Variants in PEAK1 observed in about 807,000 individuals in gnomAD.
PEAK1 encodes the protein inactive tyrosine-protein kinase PEAK1.
A neutral mutation model predicts 124.7 loss-of-function variants in PEAK1; 54 were observed. The ratio of observed to expected loss-of-function variants is 0.43; its 90% confidence interval spans 0.35 to 0.54. The LOEUF (loss-of-function observed/expected upper bound fraction) is 0.54. Among genes scored for constraint, PEAK1 ranks in the 20% least tolerant of loss-of-function variants. The pLI is 0.01. For synonymous variants in PEAK1, 719 were observed against 760.0 expected (o/e 0.95, Z 0.89); for missense variants, 2,046 against 2,134.5 (o/e 0.96, Z 0.82).
intron 8 of PEAK1, among the ~76,000 whole-genome samples, chr15:77,146,468 A>G (rs1567027201): frequency 1.3e-5 from 2 of 152,230 alleles, no homozygotes; most frequent in Admixed American, 1.3e-4. Flanking sequence ...TCATTAGTGG[A>G]AACCTCTCCA....
chr15:77,256,388 ATAG>A (rs2061134525), intron 5 of PEAK1, among the ~76,000 whole-genome samples: 1 of 151,846 alleles, frequency 6.6e-6, no homozygotes, highest in Non-Finnish European at 1.5e-5. Context: ...ATTTAACTTA[ATAG>A]TAGCGAATAG....
chr15:77,370,251 C>T (rs144964030), intron 1 of PEAK1, among the ~76,000 whole-genome samples: 47 of 152,266 alleles, frequency 3.1e-4, no homozygotes, highest in South Asian at 6.2e-4. Context: ...TCCTTCCATC[C>T]TTCATGGCCC....
At chr15:77,231,538 C>G (rs1220537691) in intron 6 of PEAK1, among the ~76,000 whole-genome samples, 1 of 152,130 alleles carries the variant, frequency 6.6e-6, no homozygotes, top group East Asian at 1.9e-4. Flanking sequence ...TTAAAGATAA[C>G]ATCTTCCCTT....
chr15:77,343,952 C>G (rs1453339459), intron 2 of PEAK1, among the ~76,000 whole-genome samples: 1 of 152,128 alleles, frequency 6.6e-6, no homozygotes, highest in African/African-American at 2.4e-5. Context: ...AGGTAGGACT[C>G]CAACTTCATT....
At chr15:77,198,426 A>G (rs984192319) in intron 6 of PEAK1, among the ~76,000 whole-genome samples, 6 of 152,232 alleles carry the variant, frequency 3.9e-5, no homozygotes, top group African/African-American at 1.4e-4. Flanking sequence ...GAGAAAAGTT[A>G]TGACACTTTA....
At chr15:77,300,069 T>A (rs2063709147) in intron 2 of PEAK1, among the ~76,000 whole-genome samples, 1 of 152,196 alleles carries the variant, frequency 6.6e-6, no homozygotes, top group South Asian at 2.1e-4. Flanking sequence ...GCACATCTTG[T>A]CTTATGCTTT....
At chr15:77,366,652 C>T (rs1405350403) in intron 1 of PEAK1, among the ~76,000 whole-genome samples, 1 of 152,082 alleles carries the variant, frequency 6.6e-6, no homozygotes, top group East Asian at 1.9e-4. Flanking sequence ...ACCTCCCAGG[C>T]TCGAGTGATC....
chr15:77,253,325 T>C (rs912037347), intron 5 of PEAK1, among the ~76,000 whole-genome samples: 1 of 152,134 alleles, frequency 6.6e-6, no homozygotes, highest in African/African-American at 2.4e-5. Context: ...AATATTCTTT[T>C]GCTAGTGTGA....
chr15:77,352,623 T>C (rs1311343647), intron 2 of PEAK1: 1 of 952,052 alleles, frequency 1.1e-6, no homozygotes, highest in Non-Finnish European at 1.3e-6. Context: ...ACCATACTCA[T>C]GAATAACTGA....
At chr15:77,403,690 T>C in intron 1 of PEAK1, 1 of 911,258 alleles carries the variant, frequency 1.1e-6, no homozygotes. Context: ...CATTTGACAA[T>C]CAAAACCATA....
At chr15:77,178,640 T>C (rs749585340) in intron 7 of PEAK1, 150 bp downstream of exon 7, 13 of 770,638 alleles carry the variant, frequency 1.7e-5, no homozygotes, top group Non-Finnish European at 2.6e-5. Context: ...ACTATTCTAA[T>C]CTTGGAATGC....
intron 1 of PEAK1, among the ~76,000 whole-genome samples, chr15:77,385,918 G>T (rs1176688616): frequency 2.6e-5 from 4 of 152,192 alleles, no homozygotes; most frequent in Non-Finnish European, 5.9e-5. Context: ...GAATGAGTCA[G>T]ATAAACCTGG....
chr15:77,418,013 T>C (rs1034999759), intron 1 of PEAK1: 37 of 974,878 alleles, frequency 3.8e-5, no homozygotes, highest in Middle Eastern at 5.2e-4. Context: ...CAGGAACATA[T>C]TTTTTAATGT....
At chr15:77,278,713 T>G (rs1015182783) in intron 5 of PEAK1, 9 of 512,846 alleles carry the variant, frequency 1.8e-5, no homozygotes, top group Non-Finnish European at 2.7e-5. Context: ...CACAGAAAGG[T>G]GAGGGTGCTG....
intron 2 of PEAK1, chr15:77,348,255 T>G: frequency 1.1e-6 from 1 of 937,096 alleles, no homozygotes; most frequent in Non-Finnish European, 1.3e-6. Flanking sequence ...TCACACTAAT[T>G]AGCGTACAAC....
At chr15:77,349,694 C>G (rs541729922) in intron 2 of PEAK1, 1 of 984,886 alleles carries the variant, frequency 1.0e-6, no homozygotes, top group Non-Finnish European at 1.2e-6. Context: ...CCTTTCTTCA[C>G]GTAGGATTTT....
intron 2 of PEAK1, chr15:77,350,537 T>A: frequency 3.1e-6 from 3 of 980,498 alleles, no homozygotes; most frequent in Non-Finnish European, 3.6e-6. Flanking sequence ...ATAATACAAT[T>A]GTGAGTCTCC....
At chr15:77,333,793 T>A in intron 2 of PEAK1, 3 of 850,496 alleles carry the variant, frequency 3.5e-6, no homozygotes, top group Non-Finnish European at 4.2e-6. Context: ...CATATGGTTT[T>A]AATCATTGCA....
In PEAK1 at chr15:77,179,913, T is replaced by C. The variant is rs2057139839; in HGVS notation, c.2014A>G (p.Ser672Gly). The C allele has an allele frequency of 1.2e-6, 2 of 1,614,066 alleles. No individual in the cohort carries two copies. Among genetic ancestry groups the C allele is most frequent in the South Asian group, 1.1e-5 (1 of 91,084 alleles). The change falls in exon 7 of 10, where the codon AGC (serine) becomes GGC (glycine). Residue 672 changes from serine (S) to glycine (G), a missense_variant. Physicochemically the swap from Ser to Gly is moderately conservative, Grantham distance 56. Transcript: ENST00000682557. ...SHTYEEIETE[S>G]KVPDNTTSKT... is the part of the protein sequence containing the mutation. Reference sequence around the variant, plus strand: ...CTAGTGGTGTTATCAGGCACTTTGCTTTCTGTTTCTATTTCTTCATAAGTA... The same window carrying C: ...CTAGTGGTGTTATCAGGCACTTTGCCTTCTGTTTCTATTTCTTCATAAGTA...
Sources: gnomAD v4.1 joint callset for allele counts (sites outside exome capture counted in the v4.1 genomes callset) on GRCh38, gnomAD v4.1.1 for gene constraint, MANE v1.5 for transcripts, NCBI Gene and HGNC (gene_info 2026-07-23, HGNC 2026-07-21) for gene names.